Variants in CHLSN observed in about 807,000 individuals in gnomAD.
The protein encoded by CHLSN is cholesin.
At chr7:1,115,407 G>A in the CHLSN span, among the ~76,000 whole-genome samples, 1 of 152,244 alleles carries the variant, frequency 6.6e-6, no homozygotes, top group African/African-American at 2.4e-5. Context: ...ACAGAGAACA[G>A]GAAATCAGGA....
At chr7:1,107,743 C>CTG in the CHLSN span, among the ~76,000 whole-genome samples, 3 of 152,240 alleles carry the variant, frequency 2.0e-5, no homozygotes, top group Non-Finnish European at 4.4e-5. Flanking sequence ...CACTGGAGCC[C>CTG]CACGCCCCGG....
the CHLSN span, among the ~76,000 whole-genome samples, chr7:1,006,881 C>T: frequency 1.3e-5 from 2 of 152,210 alleles, no homozygotes; most frequent in African/African-American, 4.8e-5. Flanking sequence ...GCCCCAGCTT[C>T]ACACAAAGCC....
chr7:1,019,481 G>A, the CHLSN span, among the ~76,000 whole-genome samples: 1 of 152,252 alleles, frequency 6.6e-6, no homozygotes, highest in Non-Finnish European at 1.5e-5. Context: ...TGGCCTGGCT[G>A]CTCACAGCTC....
At chr7:981,158 T>C in the CHLSN span, among the ~76,000 whole-genome samples, 2 of 151,640 alleles carry the variant, frequency 1.3e-5, no homozygotes, top group Admixed American at 1.3e-4. Flanking sequence ...TAGCTGAGTG[T>C]GGTTGCATAT....
At chr7:1,135,990 T>A in the CHLSN span, among the ~76,000 whole-genome samples, 1 of 123,858 alleles carries the variant, frequency 8.1e-6, no homozygotes, top group African/African-American at 3.3e-5. Flanking sequence ...TATATAAGCA[T>A]ATATAAATAT....
the CHLSN span, among the ~76,000 whole-genome samples, chr7:1,083,683 G>A: frequency 3.3e-5 from 5 of 151,666 alleles, no homozygotes; most frequent in East Asian, 7.7e-4. Context: ...CGCAGACGAC[G>A]GGAGCACCTG....
the CHLSN span, among the ~76,000 whole-genome samples, chr7:1,112,268 C>A: frequency 1.3e-5 from 2 of 152,180 alleles, no homozygotes; most frequent in African/African-American, 4.8e-5. Context: ...GGCCGGCGAG[C>A]CTCCAGTTTC....
chr7:1,099,002 C>T, the CHLSN span, among the ~76,000 whole-genome samples: 1 of 152,254 alleles, frequency 6.6e-6, no homozygotes, highest in Non-Finnish European at 1.5e-5. Flanking sequence ...AGTAAAGCTG[C>T]CATTGAGACC....
chr7:1,087,362 C>T, the CHLSN span: 1 of 152,208 alleles, frequency 6.6e-6, no homozygotes, highest in African/African-American at 2.4e-5. Context: ...GGAAGAGTTT[C>T]GGAGTTCAGA....
the CHLSN span, among the ~76,000 whole-genome samples, chr7:1,113,171 G>A: frequency 6.6e-6 from 1 of 151,472 alleles, no homozygotes; most frequent in South Asian, 2.1e-4. Context: ...CATCCACGTC[G>A]ATGTCCTGGG....
the CHLSN span, among the ~76,000 whole-genome samples, chr7:1,062,438 C>T: frequency 1.3e-5 from 2 of 152,162 alleles, no homozygotes; most frequent in Admixed American, 6.6e-5. Context: ...GAAATTCTGT[C>T]CACCCAATCA....
the CHLSN span, among the ~76,000 whole-genome samples, chr7:1,015,901 T>A: frequency 2.0e-5 from 3 of 152,204 alleles, no homozygotes. Context: ...AATGCCCATG[T>A]GACACTGATG....
chr7:998,531 AC>A, the CHLSN span, among the ~76,000 whole-genome samples: 2 of 123,498 alleles, frequency 1.6e-5, no homozygotes, highest in African/African-American at 6.3e-5. Flanking sequence ...CACGATCTCC[AC>A]CTCCCAGGTT....
chr7:1,040,513 C>G, the CHLSN span, among the ~76,000 whole-genome samples: 1 of 151,986 alleles, frequency 6.6e-6, no homozygotes, highest in Admixed American at 6.6e-5. Context: ...AAAACAAAAC[C>G]AAAACAACAA....
At chr7:1,104,703 C>T in the CHLSN span, among the ~76,000 whole-genome samples, 1 of 152,198 alleles carries the variant, frequency 6.6e-6, no homozygotes, top group Admixed American at 6.5e-5. Flanking sequence ...AAACCATCTT[C>T]AAAGCAACAA....
chr7:1,126,896 G>A, the CHLSN span, among the ~76,000 whole-genome samples: 13,315 of 152,024 alleles, frequency 0.088, 1,392 homozygotes, highest in African/African-American at 0.25. Context: ...TTCAGGACAC[G>A]CCTCTGCACA....
the CHLSN span, among the ~76,000 whole-genome samples, chr7:1,117,398 G>A: frequency 9.1e-6 from 1 of 109,482 alleles, no homozygotes. Flanking sequence ...CAACGCCCAC[G>A]CAGGATGACA....
chr7:984,799 C>A, the CHLSN span: 1 of 1,238,230 alleles, frequency 8.1e-7, no homozygotes, highest in Non-Finnish European at 1.1e-6. Flanking sequence ...CAAGAGGGGC[C>A]AGGGCCAGCC....
At chr7:1,022,435 G>A in the CHLSN span, among the ~76,000 whole-genome samples, 6 of 152,152 alleles carry the variant, frequency 3.9e-5, no homozygotes, top group Admixed American at 1.3e-4. Flanking sequence ...AGAATCCCAC[G>A]GCGTTAACTC....
Sources: allele counts gnomAD v4.1 joint callset (sites outside exome capture counted in the v4.1 genomes callset), GRCh38; gene constraint gnomAD v4.1.1; transcripts MANE v1.5; gene names NCBI Gene and HGNC (gene_info 2026-07-23, HGNC 2026-07-21).